SLC66A2: variants seen among roughly 807,000 people sequenced by gnomAD.
SLC66A2 encodes the protein PQ loop repeat containing 1.
SLC66A2 carries 23 observed loss-of-function variants against 25.5 expected under a neutral mutation model. The observed-to-expected ratio is 0.90, with a 90% confidence interval of 0.65 to 1.28. The LOEUF (loss-of-function observed/expected upper bound fraction) is 1.28. Among genes scored for constraint, SLC66A2 ranks in the 50% most tolerant of loss-of-function variants. SLC66A2 has a pLI of 0.00. For synonymous variants in SLC66A2, 193 were observed against 166.5 expected, an observed-to-expected ratio of 1.16 and a Z score of -1.23; for missense variants, 396 against 373.1, an observed-to-expected ratio of 1.06 and a Z score of -0.51.
intron 5 of SLC66A2, among the ~76,000 whole-genome samples, chr18:79,911,984 A>C (rs1465945286): frequency 9.2e-6 from 1 of 108,878 alleles, no homozygotes; most frequent in African/African-American, 3.6e-5. Flanking sequence ...CAGTGAGGAG[A>C]CGGGAGCAGA....
rs1317228970 is a variant in SLC66A2, at chr18:79,937,035, C to G, written c.338-3013G>C. 1.3e-5 allele frequency among the ~76,000 whole-genome samples: 2 copies of G among 152,072 alleles called. No individual in the cohort carries two copies. Among genetic ancestry groups the G allele is most frequent in the Non-Finnish European group, 2.9e-5 (2 of 68,020 alleles). On this transcript the variant is annotated intron_variant, in intron 3 of 5. Coordinates refer to ENST00000397778, the MANE Select transcript of SLC66A2 (RefSeq NM_025078.5). This position sits in a 1 kb window ranked among gnomAD's most constrained non-coding sequence, Gnocchi z 5.4. ...GCTCAGGCTAAGCGACACAGCCAGG[C>G]CTGGAGGTTTGAAGTCAAATGGAAA... is the stretch of plus-strand genomic sequence containing the variant.
intron 3 of SLC66A2, among the ~76,000 whole-genome samples, chr18:79,936,146 T>C (rs188703233): frequency 6.6e-6 from 1 of 152,292 alleles, no homozygotes; most frequent in Non-Finnish European, 1.5e-5. Context: ...GAAGGAAGGT[T>C]TGCACTGTAC....
chr18:79,943,257 T>C (rs2144949364), intron 3 of SLC66A2, 72 bp downstream of exon 3: 2 of 1,559,404 alleles, frequency 1.3e-6, no homozygotes, highest in African/African-American at 1.4e-5. Flanking sequence ...CAGATTAGAG[T>C]GGCTTTTGTT....
chr18:79,928,573 G>A (rs143558876), intron 4 of SLC66A2, among the ~76,000 whole-genome samples: 17 of 152,124 alleles, frequency 1.1e-4, no homozygotes, highest in African/African-American at 2.9e-4. Flanking sequence ...GACACACGGC[G>A]AATGGAGAAA....
chr18:79,950,188 CTACAAAAAA>C (rs373034847), intron 2 of SLC66A2, among the ~76,000 whole-genome samples: 2 of 152,120 alleles, frequency 1.3e-5, no homozygotes, highest in Non-Finnish European at 2.9e-5. Flanking sequence ...TCCCCTGTCT[CTACAAAAAA>C]TACAAAAAAA....
chr18:79,937,383 C>T lies in SLC66A2; in HGVS notation c.338-3361G>A, dbSNP rs1449597869. On this transcript the variant is annotated intron_variant, in intron 3 of 5. Coordinates refer to ENST00000397778, the MANE Select transcript of SLC66A2 (RefSeq NM_025078.5). The surrounding 1 kb of genome is among the most constrained non-coding windows in gnomAD (Gnocchi z 5.4). ...AGGGAAGAACTGGAGCATTAACAAG[C>T]GTAATAATCCAGTAACACACCAAAC... is the stretch of plus-strand genomic sequence containing the variant. Among the ~76,000 whole-genome samples the T allele has an allele frequency of 9.2e-5, 14 of 152,162 alleles. No homozygotes were observed. The highest frequency in any genetic ancestry group is 9.2e-4 in the Admixed American group (14 of 15,282).
Position 79,927,130 on chromosome 18 carries a change from C to T in SLC66A2, c.391+6839G>A, listed in dbSNP as rs531563412. 8.9e-4 allele frequency among the ~76,000 whole-genome samples: 135 copies of T among 152,380 alleles called. 1 individual carries two copies. In the South Asian group the frequency reaches 0.019, roughly 21 times the overall value. The stretch of plus-strand genomic sequence containing the variant: ...GGGCAGGTCCCAGCCCTACCTGCTG[C>T]GTCTGCTTCTCCACCCCACTCCAGC... On this transcript the variant is annotated intron_variant, in intron 4 of 5. Coordinates refer to ENST00000397778, the MANE Select transcript of SLC66A2 (RefSeq NM_025078.5). This position sits in a 1 kb window ranked among gnomAD's most constrained non-coding sequence, Gnocchi z 6.2.
intron 2 of SLC66A2, chr18:79,944,579 A>G (rs1988004412): frequency 6.6e-6 from 1 of 152,366 alleles, no homozygotes; most frequent in Non-Finnish European, 1.5e-5. Context: ...ATGCCTGCAG[A>G]GCCACCACCT....
At chr18:79,916,761 G>A (rs973702334) in intron 5 of SLC66A2, among the ~76,000 whole-genome samples, 2 of 152,222 alleles carry the variant, frequency 1.3e-5, no homozygotes, top group Non-Finnish European at 2.9e-5. Flanking sequence ...CTCACTCGGC[G>A]GTTTATGTCT....
intron 2 of SLC66A2, 120 bp from the exon 3 acceptor site, chr18:79,943,582 C>G (rs565262272): frequency 8.3e-7 from 1 of 1,209,806 alleles, no homozygotes; most frequent in East Asian, 2.4e-5. Context: ...CCCTCCCAGT[C>G]CTGAACCTGC....
chr18:79,916,515 C>G (rs1984183039), intron 5 of SLC66A2, among the ~76,000 whole-genome samples: 1 of 152,244 alleles, frequency 6.6e-6, no homozygotes. Flanking sequence ...ACAGACCCTG[C>G]TGGGTTCACG....
chr18:79,939,187 C>T (rs773381989), intron 3 of SLC66A2, among the ~76,000 whole-genome samples: 9 of 152,156 alleles, frequency 5.9e-5, no homozygotes, highest in Non-Finnish European at 1.2e-4. Context: ...AAAACATTTC[C>T]GCTTTTATTT....
intron 4 of SLC66A2, among the ~76,000 whole-genome samples, chr18:79,931,432 T>C (rs1450473591): frequency 5.3e-5 from 8 of 151,742 alleles, no homozygotes; most frequent in Admixed American, 5.2e-4. Flanking sequence ...AAGACACAGA[T>C]GTCAAAAGAG....
intron 3 of SLC66A2, chr18:79,935,280 T>A (rs1599621316): frequency 6.6e-6 from 1 of 152,192 alleles, no homozygotes; most frequent in African/African-American, 2.4e-5. Context: ...CAGAGTCACA[T>A]CCCACACCAG....
At chr18:79,939,690 A>T (rs1226730621) in intron 3 of SLC66A2, among the ~76,000 whole-genome samples, 1 of 152,222 alleles carries the variant, frequency 6.6e-6, no homozygotes, top group African/African-American at 2.4e-5. Flanking sequence ...ATGCCGTCTC[A>T]TACCAGTCGG....
Position 79,940,392 on chromosome 18 carries a change from C to G in SLC66A2, c.337+2937G>C, listed in dbSNP as rs1460712051. Among the ~76,000 whole-genome samples the G allele has an allele frequency of 1.3e-5, 2 of 152,050 alleles. No individual in the cohort carries two copies. Among genetic ancestry groups the G allele is most frequent in the Non-Finnish European group, 2.9e-5 (2 of 68,030 alleles). ...CCAAGGTGGGTGGATCACTTGAGGTCAGGAGTTCAGGAGTTAGAGAAATAA... is the reference window on the plus strand; with the variant it reads ...CCAAGGTGGGTGGATCACTTGAGGTGAGGAGTTCAGGAGTTAGAGAAATAA... On this transcript the variant is annotated intron_variant, in intron 3 of 5. Transcript: ENST00000397778. This position sits in a 1 kb window ranked among gnomAD's most constrained non-coding sequence, Gnocchi z 4.1.
intron 5 of SLC66A2, among the ~76,000 whole-genome samples, chr18:79,913,591 G>A (rs559547259): frequency 6.6e-6 from 1 of 152,380 alleles, no homozygotes; most frequent in African/African-American, 2.4e-5. Context: ...GCATCGCTGT[G>A]TGTGTGTGCA....
In SLC66A2 at chr18:79,904,218, A is replaced by C. The variant is rs1425248885; in HGVS notation, c.609-35T>G. 1.9e-6 allele frequency: 3 copies of C among 1,594,692 alleles called. No homozygotes were observed. In the Admixed American group the frequency reaches 5.0e-5, roughly 27 times the overall value. ...CACAAGCAGGCGGTCAGCGGTGGGG[A>C]GGGCGGCGACCTGGGCTCAGTCAGT... On this transcript the variant is annotated intron_variant, in intron 5 of 5. Coordinates refer to ENST00000397778, the MANE Select transcript of SLC66A2 (RefSeq NM_025078.5). The surrounding 1 kb of genome is among the most constrained non-coding windows in gnomAD (Gnocchi z 6.3).
intron 4 of SLC66A2, among the ~76,000 whole-genome samples, 157 bp from the exon 5 acceptor site, chr18:79,919,557 G>A (rs75339830): frequency 0.01 from 563 of 55,266 alleles, 13 homozygotes; most frequent in African/African-American, 0.019. Context: ...GACAGGAACC[G>A]AGGGAGAGGT....
Sources: gnomAD v4.1 joint callset for allele counts (sites outside exome capture counted in the v4.1 genomes callset) on GRCh38, gnomAD v4.1.1 for gene constraint, Gnocchi (gnomAD v3.1) non-coding constraint, MANE v1.5 for transcripts, NCBI Gene and HGNC (gene_info 2026-07-23, HGNC 2026-07-21) for gene names.